The following LRP1B variants were observed in gnomAD, a reference collection of about 807,000 sequenced individuals.
LRP1B encodes low-density lipoprotein receptor-related protein 1B.
A neutral mutation model predicts 556.6 loss-of-function variants in LRP1B; 217 were observed. That is an observed-to-expected ratio of 0.39 (90% CI 0.35 to 0.44). The LOEUF is 0.44. LRP1B is among the 20% of genes least tolerant of loss of function. LRP1B has a pLI of 1.00. For synonymous variants in LRP1B, 2,047 were observed against 1,865.8 expected, an observed-to-expected ratio of 1.10 and a Z score of -2.50; for missense variants, 5,053 against 5,620.8, an observed-to-expected ratio of 0.90 and a Z score of 3.23.
intron 1 of LRP1B, among the ~76,000 whole-genome samples, chr2:142,114,687 T>C (rs1304796959): frequency 3.9e-5 from 6 of 152,092 alleles, no homozygotes; most frequent in Admixed American, 3.9e-4. Flanking sequence ...GTATCACATG[T>C]TATTACTTAT....
chr2:140,892,213 C>G (rs1412267204), intron 23 of LRP1B, among the ~76,000 whole-genome samples: 1 of 152,020 alleles, frequency 6.6e-6, no homozygotes, highest in Non-Finnish European at 1.5e-5. Flanking sequence ...AAGAAATATG[C>G]AAAGAAATGA....
At chr2:141,042,051 C>T (rs1171000534) in intron 11 of LRP1B, among the ~76,000 whole-genome samples, 1 of 152,082 alleles carries the variant, frequency 6.6e-6, no homozygotes, top group Non-Finnish European at 1.5e-5. Context: ...AATCAGATCA[C>T]AGTAACTTGC....
intron 35 of LRP1B, among the ~76,000 whole-genome samples, chr2:140,731,638 C>T (rs112083133): frequency 0.012 from 1,837 of 151,610 alleles, 33 homozygotes; most frequent in African/African-American, 0.042. Flanking sequence ...CGTGGTGGCC[C>T]GTGCCTGTAG....
chr2:140,236,462 T>TTTTTTC, intron 89 of LRP1B, among the ~76,000 whole-genome samples: 1 of 151,036 alleles, frequency 6.6e-6, no homozygotes, highest in African/African-American at 2.4e-5. Flanking sequence ...AGAAAAAATA[T>TTTTTTC]TCTAAAATTA....
At chr2:142,101,360 G>A (rs1574685471) in intron 1 of LRP1B, among the ~76,000 whole-genome samples, 1 of 151,926 alleles carries the variant, frequency 6.6e-6, no homozygotes, top group Non-Finnish European at 1.5e-5. Context: ...GACTGAAGCT[G>A]GCCACACTCA....
chr2:140,248,163 A>C (rs1158410251), intron 86 of LRP1B, among the ~76,000 whole-genome samples: 1 of 151,686 alleles, frequency 6.6e-6, no homozygotes, highest in Non-Finnish European at 1.5e-5. Context: ...TTCCTGAGCT[A>C]AGCTTCTACG....
At chr2:140,892,508 T>C (rs150734183) in intron 23 of LRP1B, among the ~76,000 whole-genome samples, 115 of 152,216 alleles carry the variant, frequency 7.6e-4, no homozygotes, top group African/African-American at 2.6e-3. Flanking sequence ...TACTCCTACA[T>C]ATTAGGGAGA....
chr2:140,918,750 G>A (rs188196908), intron 21 of LRP1B, among the ~76,000 whole-genome samples: 7 of 152,132 alleles, frequency 4.6e-5, no homozygotes, highest in East Asian at 3.9e-4. Context: ...AATCAGTTAC[G>A]AGAGTAGAGT....
At chr2:140,274,382 G>C (rs1419545736) in intron 85 of LRP1B, 42 bp downstream of exon 85, 4 of 1,537,912 alleles carry the variant, frequency 2.6e-6, no homozygotes, top group Non-Finnish European at 3.6e-6. Flanking sequence ...ATGTCCATTG[G>C]TGTCCAAATG....
chr2:141,245,351 T>C lies in LRP1B; in HGVS notation c.592+1875A>G, dbSNP rs532104891. ...ATGTTTTCTAAATAATTAACCACACTATCTCTGGGAAATCATTGAAATCAT... is the reference window on the plus strand; with the variant it reads ...ATGTTTTCTAAATAATTAACCACACCATCTCTGGGAAATCATTGAAATCAT... On this transcript the variant is annotated intron_variant, in intron 5 of 90. Transcript: ENST00000389484. Among the ~76,000 whole-genome samples, 6 of 152,302 alleles carry C rather than the reference T, an allele frequency of 3.9e-5. No individual in the cohort carries two copies. In the East Asian group the frequency reaches 7.7e-4, roughly 20 times the overall value.
chr2:142,015,991 C>CAAAACAAAAAAAA (rs1703115922), intron 1 of LRP1B, among the ~76,000 whole-genome samples: 1 of 38,790 alleles, frequency 2.6e-5, no homozygotes, highest in African/African-American at 1.0e-4. Flanking sequence ...GACTCCATCT[C>CAAAACAAAAAAAA]AAAAAAAAAA....
chr2:141,253,383 T>C (rs1187425817), intron 4 of LRP1B, among the ~76,000 whole-genome samples: 1 of 152,204 alleles, frequency 6.6e-6, no homozygotes, highest in Non-Finnish European at 1.5e-5. Flanking sequence ...ATGCAGTCTC[T>C]GGGTCTGATA....
intron 3 of LRP1B, among the ~76,000 whole-genome samples, chr2:141,305,364 A>C (rs1686547486): frequency 6.6e-6 from 1 of 152,002 alleles, no homozygotes; most frequent in South Asian, 2.1e-4. Flanking sequence ...TGTAAATGGG[A>C]TTGCCTTCTT....
intron 56 of LRP1B, among the ~76,000 whole-genome samples, chr2:140,494,937 TAA>T (rs1187690002): frequency 1.3e-5 from 2 of 152,148 alleles, no homozygotes; most frequent in African/African-American, 4.8e-5. Flanking sequence ...TTTGCCCATT[TAA>T]CAGTCATCAT....
intron 3 of LRP1B, among the ~76,000 whole-genome samples, chr2:141,428,127 GT>G (rs762034926): frequency 6.6e-6 from 1 of 151,832 alleles, no homozygotes; most frequent in Non-Finnish European, 1.5e-5. Context: ...TTTTTTTATG[GT>G]TTTGTTTTCT....
chr2:141,454,097 A>G (rs890918057), intron 3 of LRP1B, among the ~76,000 whole-genome samples: 1 of 152,146 alleles, frequency 6.6e-6, no homozygotes, highest in Admixed American at 6.6e-5. Context: ...GCTTATATAA[A>G]AATATTGAAT....
chr2:140,442,766 T>G, intron 65 of LRP1B, 143 bp from the exon 66 acceptor site: 2 of 734,776 alleles, frequency 2.7e-6, no homozygotes, highest in Non-Finnish European at 4.3e-6. Flanking sequence ...GTGAGGAATT[T>G]TAACTTTTAA....
intron 7 of LRP1B, among the ~76,000 whole-genome samples, chr2:141,068,137 TC>T (rs1699529116): frequency 6.6e-6 from 1 of 151,984 alleles, no homozygotes; most frequent in African/African-American, 2.4e-5. Flanking sequence ...ATTTTAAGAT[TC>T]AGAAAAATTG....
intron 1 of LRP1B, among the ~76,000 whole-genome samples, chr2:142,029,843 T>C (rs1703625582): frequency 6.6e-6 from 1 of 151,850 alleles, no homozygotes; most frequent in Admixed American, 6.6e-5. Flanking sequence ...TTTTTCTCTT[T>C]ACCTGATCTC....
Sources: gnomAD v4.1 joint callset for allele counts (sites outside exome capture counted in the v4.1 genomes callset) on GRCh38, gnomAD v4.1.1 for gene constraint, MANE v1.5 for transcripts, NCBI Gene and HGNC (gene_info 2026-07-23, HGNC 2026-07-21) for gene names.